CTNNA2: variants seen among roughly 807,000 people sequenced by gnomAD.
CTNNA2 encodes the protein catenin alpha 2.
Under a neutral mutation model 101.0 loss-of-function variants are expected in CTNNA2, and 42 were observed. The ratio of observed to expected loss-of-function variants is 0.42; its 90% confidence interval spans 0.32 to 0.54. The LOEUF is 0.54. Ranked by LOEUF, CTNNA2 falls within the 20% of genes least tolerant of loss-of-function variation. CTNNA2 has a pLI of 0.14. For missense variants in CTNNA2, 871 were observed against 1,223.1 expected (o/e 0.71, Z 4.29); for synonymous variants, 450 against 456.4 (o/e 0.99, Z 0.18).
intron 9 of CTNNA2, among the ~76,000 whole-genome samples, chr2:80,435,886 A>G (rs1681982457): frequency 1.3e-5 from 2 of 152,206 alleles, no homozygotes; most frequent in Non-Finnish European, 2.9e-5. Flanking sequence ...GCATCTTTCC[A>G]TAGTGCCCTG....
chr2:80,311,670 T>A (rs887898995), intron 7 of CTNNA2, among the ~76,000 whole-genome samples: 4 of 152,244 alleles, frequency 2.6e-5, no homozygotes, highest in Non-Finnish European at 5.9e-5. Context: ...CTTAAAATGC[T>A]CTACGAGGGT....
At chr2:79,867,333 TTCTA>T (rs10670844) in intron 4 of CTNNA2, among the ~76,000 whole-genome samples, 22 of 150,908 alleles carry the variant, frequency 1.5e-4, no homozygotes, top group Admixed American at 1.2e-3. Context: ...CCCTTCAATA[TTCTA>T]TCTATCTGTC....
intron 2 of CTNNA2, among the ~76,000 whole-genome samples, chr2:79,239,165 T>G (rs1368088759): frequency 6.6e-6 from 1 of 151,990 alleles, no homozygotes; most frequent in Non-Finnish European, 1.5e-5. Flanking sequence ...AAGACAATTC[T>G]AAGCAAAAAC....
intron 8 of CTNNA2, among the ~76,000 whole-genome samples, chr2:80,414,079 C>T (rs1035119443): frequency 3.3e-5 from 5 of 152,204 alleles, no homozygotes; most frequent in African/African-American, 9.7e-5. Flanking sequence ...ATAGCCAATT[C>T]TGCCTAAAGA....
At chr2:79,453,399 G>T (rs1407324538) in intron 4 of CTNNA2, among the ~76,000 whole-genome samples, 1 of 152,212 alleles carries the variant, frequency 6.6e-6, no homozygotes, top group South Asian at 2.1e-4. Flanking sequence ...TCAAGGAATT[G>T]TCATGCTATA....
chr2:79,186,258 G>T (rs1274333134), intron 1 of CTNNA2, among the ~76,000 whole-genome samples: 1 of 152,058 alleles, frequency 6.6e-6, no homozygotes, highest in African/African-American at 2.4e-5. Context: ...TTGAGAAGTG[G>T]CAAAAGGAAG....
chr2:79,944,467 C>T (rs1463286622), intron 7 of CTNNA2, among the ~76,000 whole-genome samples: 1 of 152,178 alleles, frequency 6.6e-6, no homozygotes, highest in Non-Finnish European at 1.5e-5. Flanking sequence ...TGTCCTTTCA[C>T]TTATACCTCA....
intron 15 of CTNNA2, among the ~76,000 whole-genome samples, chr2:80,598,080 G>C (rs1558629858): frequency 1.3e-5 from 2 of 152,080 alleles, no homozygotes; most frequent in Non-Finnish European, 2.9e-5. Flanking sequence ...TGATAGACTG[G>C]ATAAAGAAAA....
chr2:80,494,158 T>A (rs1687265289), intron 9 of CTNNA2, among the ~76,000 whole-genome samples: 1 of 152,128 alleles, frequency 6.6e-6, no homozygotes, highest in Admixed American at 6.6e-5. Context: ...AAGTGGGAAA[T>A]TATTGAGAGA....
At chr2:80,032,249 G>A (rs1695339857) in intron 7 of CTNNA2, among the ~76,000 whole-genome samples, 1 of 152,166 alleles carries the variant, frequency 6.6e-6, no homozygotes, top group Admixed American at 6.6e-5. Flanking sequence ...CTTCAGGGAA[G>A]TCTTTCCCTG....
intron 7 of CTNNA2, among the ~76,000 whole-genome samples, chr2:80,012,570 T>A (rs1693865641): frequency 6.6e-6 from 1 of 152,190 alleles, no homozygotes; most frequent in African/African-American, 2.4e-5. Context: ...TCACAACTAC[T>A]CAACTCTCCT....
In CTNNA2 at chr2:79,982,366, CATAT is replaced by C. The variant is rs376540063; in HGVS notation, c.1056+72575_1056+72578del. Among the ~76,000 whole-genome samples the C allele has an allele frequency of 2.5e-5, 3 of 121,840 alleles. No individual in the cohort carries two copies. In the South Asian group the frequency reaches 7.9e-4, roughly 32 times the overall value. The allele number at this position is 121,840 out of a possible 152,430, so 79.9% of individuals were successfully genotyped here. A position where few individuals can be genotyped will look rare whatever the true frequency, so the allele number is the denominator to read the frequency against. ...TATATAACCTATATAACCTATATAA[CATAT>C]ATATAACATATATAACATATATAAC... On this transcript the variant is annotated intron_variant, in intron 7 of 18. Transcript: ENST00000402739.
intron 7 of CTNNA2, among the ~76,000 whole-genome samples, chr2:80,072,970 G>A (rs550685103): frequency 1.6e-4 from 25 of 152,296 alleles, no homozygotes; most frequent in African/African-American, 5.1e-4. Flanking sequence ...TGTGATGTAT[G>A]AGTCTATTTT....
intron 3 of CTNNA2, among the ~76,000 whole-genome samples, chr2:79,759,541 T>C (rs1035630041): frequency 7.1e-6 from 1 of 140,188 alleles, no homozygotes; most frequent in Non-Finnish European, 1.5e-5. Flanking sequence ...GATGTTTCTT[T>C]CCCTAAATCT....
chr2:80,130,775 T>G lies in CTNNA2; in HGVS notation c.1056+220978T>G, dbSNP rs535513848. On this transcript the variant is annotated intron_variant, in intron 7 of 18. Transcript: ENST00000402739. ...CTCTTTTTTTTTTAATTTTCTGATA[T>G]AAAGTTGCTTTTTAAAATGTTAATG... Among the ~76,000 whole-genome samples, 12 of 151,592 alleles carry G rather than the reference T, an allele frequency of 7.9e-5. No individual in the cohort carries two copies. The South Asian group carries it at 1.9e-3, about 24-fold the overall frequency.
intron 3 of CTNNA2, among the ~76,000 whole-genome samples, chr2:79,795,930 A>G (rs527588901): frequency 6.6e-6 from 1 of 152,108 alleles, no homozygotes; most frequent in South Asian, 2.1e-4. Flanking sequence ...TAGTATTTGG[A>G]CTCAGTTCCG....
chr2:80,417,816 A>T lies in CTNNA2; in HGVS notation c.1138-1633A>T, dbSNP rs1390597517. Among the ~76,000 whole-genome samples, 6 of 152,150 alleles carry T rather than the reference A, an allele frequency of 3.9e-5. No individual in the cohort carries two copies. The East Asian group carries it at 1.2e-3, about 29-fold the overall frequency. On this transcript the variant is annotated intron_variant, in intron 8 of 18. Coordinates refer to ENST00000402739, the MANE Select transcript of CTNNA2 (RefSeq NM_001282597.3). ...TATGTTTCTTAATCTAATTTTTCTT[A>T]TAACTTTGGATGAGATTTGGCCTTG...
At chr2:80,531,253 C>T (rs1043902516) in intron 9 of CTNNA2, among the ~76,000 whole-genome samples, 1 of 152,176 alleles carries the variant, frequency 6.6e-6, no homozygotes, top group African/African-American at 2.4e-5. Context: ...CTCCTTCGGG[C>T]AGTAACCATT....
At chr2:79,464,921 C>G (rs1670917500) in intron 4 of CTNNA2, among the ~76,000 whole-genome samples, 1 of 152,072 alleles carries the variant, frequency 6.6e-6, no homozygotes, top group Admixed American at 6.6e-5. Context: ...AATGTTCTCC[C>G]ATTCTGTAGG....
Sources: gnomAD v4.1 joint callset for allele counts (sites outside exome capture counted in the v4.1 genomes callset) on GRCh38, gnomAD v4.1.1 for gene constraint, MANE v1.5 for transcripts, NCBI Gene and HGNC (gene_info 2026-07-23, HGNC 2026-07-21) for gene names.